The following EPC1 variants were observed in gnomAD, a reference collection of about 807,000 sequenced individuals.
EPC1 encodes enhancer of polycomb 1.
In EPC1, 12 loss-of-function variants were observed where a neutral mutation model predicts 98.4. The ratio of observed to expected loss-of-function variants is 0.12; its 90% CI spans 0.08 to 0.20. The LOEUF is 0.20. Among genes scored for constraint, EPC1 ranks in the 10% least tolerant of loss-of-function variants. The pLI is 1.00. For synonymous variants in EPC1, 357 were observed against 363.9 expected, an observed-to-expected ratio of 0.98 and a Z score of 0.21; for missense variants, 729 against 990.5, an observed-to-expected ratio of 0.74 and a Z score of 3.54.
chr10:32,336,067 C>CTTT (rs1222918543), intron 1 of EPC1, among the ~76,000 whole-genome samples: 26 of 55,222 alleles, frequency 4.7e-4, no homozygotes, highest in African/African-American at 8.4e-4. Context: ...ACTACCTTTT[C>CTTT]TTTTTTTTTT....
intron 2 of EPC1, among the ~76,000 whole-genome samples, chr10:32,296,148 G>C (rs895364293): frequency 2.6e-5 from 4 of 152,026 alleles, no homozygotes; most frequent in African/African-American, 9.7e-5. Flanking sequence ...GGCCAGGCTG[G>C]CTGGTCTTGA....
At chr10:32,299,145 G>T (rs1323904483) in intron 2 of EPC1, among the ~76,000 whole-genome samples, 2 of 151,884 alleles carry the variant, frequency 1.3e-5, no homozygotes, top group African/African-American at 2.4e-5. Flanking sequence ...TTTCATTTTC[G>T]AAGCCATAGG....
At chr10:32,346,656 G>T (rs1564561533) in intron 1 of EPC1, 107 bp downstream of exon 1, 2 of 1,114,750 alleles carry the variant, frequency 1.8e-6, no homozygotes, top group Non-Finnish European at 2.6e-6. Context: ...AGTCGGCGGC[G>T]AAGAGAAGAT....
chr10:32,377,862 G>A (rs189328942), intron 1 of EPC1, among the ~76,000 whole-genome samples: 5 of 152,140 alleles, frequency 3.3e-5, no homozygotes, highest in South Asian at 2.1e-4. Flanking sequence ...CAAATGTACC[G>A]TATAGGAGAA....
chr10:32,365,303 AGCATAAAG>A (rs1384751489), intron 1 of EPC1, among the ~76,000 whole-genome samples: 1 of 152,250 alleles, frequency 6.6e-6, no homozygotes, highest in Non-Finnish European at 1.5e-5. Context: ...TGCAAACTTT[AGCATAAAG>A]GCTAAAGCAG....
At chr10:32,340,466 C>A (rs1198156285) in intron 1 of EPC1, among the ~76,000 whole-genome samples, 5 of 152,090 alleles carry the variant, frequency 3.3e-5, no homozygotes, top group Non-Finnish European at 5.9e-5. Context: ...GGATTTAATA[C>A]ACCTAATCAA....
At chr10:32,338,471 T>C (rs1256285815) in intron 1 of EPC1, among the ~76,000 whole-genome samples, 1 of 152,192 alleles carries the variant, frequency 6.6e-6, no homozygotes, top group Non-Finnish European at 1.5e-5. Context: ...AACTCGCTAA[T>C]AGCTTACTTC....
chr10:32,325,962 T>C (rs1225687031), intron 1 of EPC1, among the ~76,000 whole-genome samples: 1 of 152,156 alleles, frequency 6.6e-6, no homozygotes, highest in Non-Finnish European at 1.5e-5. Context: ...GACCAAATCA[T>C]GGTTAGAATG....
At chr10:32,303,142 A>C (rs1835671844) in intron 2 of EPC1, among the ~76,000 whole-genome samples, 1 of 152,280 alleles carries the variant, frequency 6.6e-6, no homozygotes, top group African/African-American at 2.4e-5. Context: ...TATTTCTACT[A>C]AAAGTACAAA....
chr10:32,290,390 G>T (rs1794919291), intron 6 of EPC1, among the ~76,000 whole-genome samples: 1 of 150,614 alleles, frequency 6.6e-6, no homozygotes, highest in South Asian at 2.1e-4. Context: ...GGGAGGCGAG[G>T]CAGGAGAATC....
intron 1 of EPC1, among the ~76,000 whole-genome samples, chr10:32,375,160 A>G (rs891254312): frequency 2.6e-5 from 4 of 152,086 alleles, no homozygotes; most frequent in Non-Finnish European, 5.9e-5. Context: ...ACAGAGGTAA[A>G]TATGCATGAG....
At chr10:32,281,425 C>T (rs1836404905) in intron 10 of EPC1, among the ~76,000 whole-genome samples, 1 of 152,080 alleles carries the variant, frequency 6.6e-6, no homozygotes, top group African/African-American at 2.4e-5. Flanking sequence ...TGGTTAAGTG[C>T]CAGAGGAAGT....
At chr10:32,374,258 A>G (rs1839826753) in intron 1 of EPC1, 1 of 152,212 alleles carries the variant, frequency 6.6e-6, no homozygotes, top group South Asian at 2.1e-4. Context: ...TAGTTCTAAT[A>G]TAATACTTCA....
rs554466753 is a variant in EPC1 at position 32,292,461 on chromosome 10, TA to T, written c.815+34del. On this transcript the variant is annotated intron_variant, in intron 5 of 13. Transcript: ENST00000319778. Reference sequence around the variant, plus strand: ...TCAATATACAAAATGTTAATGGCACTATACTTCCTCTAACATTATTAAAATA... The same window carrying T: ...TCAATATACAAAATGTTAATGGCACTTACTTCCTCTAACATTATTAAAATA... The T allele has an allele frequency of 4.1e-4, 602 of 1,460,884 alleles. 12 individuals carry two copies. In the South Asian group the frequency reaches 6.5e-3, roughly 16 times the overall value. 90.5% of individuals were successfully genotyped at this position (1,460,884 alleles called of 1,614,324 possible).
At chr10:32,297,435 G>A (rs1835236589) in intron 2 of EPC1, among the ~76,000 whole-genome samples, 1 of 151,798 alleles carries the variant, frequency 6.6e-6, no homozygotes, top group South Asian at 2.1e-4. Flanking sequence ...ACACATGTCT[G>A]CCACCACGCC....
chr10:32,335,206 A>G (rs934220155), intron 1 of EPC1, among the ~76,000 whole-genome samples: 1 of 152,084 alleles, frequency 6.6e-6, no homozygotes, highest in African/African-American at 2.4e-5. Flanking sequence ...GGCTGGATAA[A>G]TCCCATCATT....
rs10713303 is a variant in EPC1 at position 32,366,612 on chromosome 10, A to AT, written c.3+11878dup. 8.9e-3 allele frequency among the ~76,000 whole-genome samples: 1,357 copies of AT among 151,932 alleles called. 17 individuals carry two copies. The highest frequency in any genetic ancestry group is 0.031 in the African/African-American group (1,293 of 41,416). On this transcript the variant is annotated intron_variant, in intron 1 of 13. Transcript: ENST00000375110. ...TAATCATAAGAATAGTCTGCCATCA[A>AT]TTTTTTTTGGCCATTTATAGTGATA...
intron 1 of EPC1, among the ~76,000 whole-genome samples, chr10:32,339,770 C>T (rs371877786): frequency 3.3e-4 from 51 of 152,292 alleles, no homozygotes; most frequent in African/African-American, 1.2e-3. Context: ...TTTTCATACA[C>T]TGCCTTATTC....
intron 10 of EPC1, among the ~76,000 whole-genome samples, chr10:32,277,720 C>G (rs1836173708): frequency 6.6e-6 from 1 of 152,154 alleles, no homozygotes; most frequent in South Asian, 2.1e-4. Context: ...GCGAGCATCA[C>G]TATGCCTGGC....
Sources: gnomAD v4.1 joint callset for allele counts (sites outside exome capture counted in the v4.1 genomes callset) on GRCh38, gnomAD v4.1.1 for gene constraint, MANE v1.5 for transcripts, NCBI Gene and HGNC (gene_info 2026-07-23, HGNC 2026-07-21) for gene names.